PIGX: variants seen among roughly 807,000 people sequenced by gnomAD.
PIGX encodes phosphatidylinositol glycan anchor biosynthesis class X.
PIGX carries 24 observed loss-of-function variants against 28.7 expected under a neutral mutation model. The observed-to-expected ratio is 0.84, with a 90% CI of 0.60 to 1.17. PIGX has a LOEUF of 1.17. PIGX is among the 50% of genes most tolerant of loss of function. The pLI, the probability that PIGX is intolerant of heterozygous loss-of-function variation, is 0.00. For missense variants in PIGX, 305 were observed against 317.8 expected (o/e 0.96, Z 0.31); for synonymous variants, 127 against 121.0 (o/e 1.05, Z -0.33).
chr3:196,722,491 A>G lies in PIGX; in HGVS notation c.253A>G (p.Ile85Val). Reference sequence around the variant, plus strand: ...CTGCCGTCTCTTAATTAAACAGGACATTCCTGCAGGACTTTATGTGGATCC... The same window carrying G: ...CTGCCGTCTCTTAATTAAACAGGACGTTCCTGCAGGACTTTATGTGGATCC... The change falls in exon 3 of 6, where the codon ATT becomes GTT. Residue 85 changes from isoleucine to valine, a missense_variant. By Grantham distance (29) the Ile-to-Val change is conservative. Transcript: ENST00000392391. 6.2e-7 allele frequency: 1 copy of G among 1,612,836 alleles called. No individual in the cohort carries two copies. The highest frequency in any genetic ancestry group is 8.5e-7 in the Non-Finnish European group (1 of 1,178,822).
At chr3:196,716,589 T>C (rs1712106898) in intron 1 of PIGX, among the ~76,000 whole-genome samples, 1 of 152,204 alleles carries the variant, frequency 6.6e-6, no homozygotes. Flanking sequence ...TAAACTATCT[T>C]GCCCAAAGTT....
intron 2 of PIGX, among the ~76,000 whole-genome samples, chr3:196,720,058 G>T (rs777077604): frequency 6.6e-6 from 1 of 152,218 alleles, no homozygotes; most frequent in East Asian, 1.9e-4. Context: ...GATTACAGGC[G>T]TGAGCCACCG....
chr3:196,718,146 T>C (rs1712174851), intron 2 of PIGX, among the ~76,000 whole-genome samples: 1 of 152,082 alleles, frequency 6.6e-6, no homozygotes, highest in Non-Finnish European at 1.5e-5. Context: ...CCATCTCTAC[T>C]AAAAATACAA....
chr3:196,729,597 C>A (rs1339176173), intron 4 of PIGX, among the ~76,000 whole-genome samples: 7 of 150,814 alleles, frequency 4.6e-5, no homozygotes, highest in Non-Finnish European at 8.9e-5. Flanking sequence ...CTATGTTGGC[C>A]AGACTAGTCT....
rs1405728099 is a variant in PIGX, at chr3:196,722,440, G to A, written c.202G>A (p.Gly68Arg). The change falls in exon 3 of 6, where the codon GGG becomes AGG. Residue 68 changes from glycine (G) to arginine (R), a missense_variant. Coordinates refer to ENST00000392391, the MANE Select transcript of PIGX (RefSeq NM_017861.4). ...AGACCTTTTAATCAAAGTGAAGTTT[G>A]GGGAAAGCATTGAGGACTTGCACAC... 1 of 1,611,978 alleles carries A rather than the reference G, an allele frequency of 6.2e-7. No homozygotes were observed. Among genetic ancestry groups the A allele is most frequent in the South Asian group, 1.1e-5 (1 of 90,992 alleles).
chr3:196,725,553 C>T (rs1163415810), intron 3 of PIGX, among the ~76,000 whole-genome samples: 1 of 152,090 alleles, frequency 6.6e-6, no homozygotes, highest in Non-Finnish European at 1.5e-5. Flanking sequence ...CTAGAATTCA[C>T]GGGACAGTGT....
At chr3:196,722,366 AT>A in intron 2 of PIGX, 48 bp from the exon 3 acceptor site, 2 of 1,405,052 alleles carry the variant, frequency 1.4e-6, no homozygotes, top group Non-Finnish European at 2.0e-6. Context: ...ATGTTATCTC[AT>A]TTAACAGTTG....
In PIGX at chr3:196,716,730, G is replaced by A. The variant is rs139300161; in HGVS notation, c.113-128G>A. 530 of 395,944 alleles carry A rather than the reference G, an allele frequency of 1.3e-3. 3 individuals are homozygous for A. The highest frequency in any genetic ancestry group is 0.011 in the African/African-American group (505 of 47,376). The allele number at this position is 395,944 out of a possible 1,614,324, so 24.5% of individuals were successfully genotyped here. A position where few individuals can be genotyped will look rare whatever the true frequency, so the allele number is the denominator to read the frequency against. ...TTTCAAATTGCTTAAATTTTAAAAGGTTTTGTTTTTAGGTTGGTTAGATTT... is the reference window on the plus strand; with the variant it reads ...TTTCAAATTGCTTAAATTTTAAAAGATTTTGTTTTTAGGTTGGTTAGATTT... On this transcript the variant is annotated intron_variant, in intron 1 of 5. Coordinates refer to ENST00000392391, the MANE Select transcript of PIGX (RefSeq NM_017861.4).
Position 196,731,186 on chromosome 3 carries a change from T to G in PIGX, c.633+94T>G, listed in dbSNP as rs187294620. 1,763 of 648,016 alleles carry G rather than the reference T, an allele frequency of 2.7e-3. 28 individuals are homozygous for G. In the African/African-American group the frequency reaches 0.029, roughly 11 times the overall value. 40.1% of individuals were successfully genotyped at this position (648,016 alleles called of 1,614,324 possible). A position where few individuals can be genotyped will look rare whatever the true frequency, so the allele number is the denominator to read the frequency against. On this transcript the variant is annotated intron_variant, in intron 5 of 5. Transcript: ENST00000392391. ...GCCACATTTAAGAGATTAGCATTTTTTTTTTTTTTTAGGCGGAGTCTCGCT... is the reference window on the plus strand; with the variant it reads ...GCCACATTTAAGAGATTAGCATTTTGTTTTTTTTTTAGGCGGAGTCTCGCT...
chr3:196,732,382 A>G (rs2108691499), intron 5 of PIGX, among the ~76,000 whole-genome samples: 1 of 148,166 alleles, frequency 6.7e-6, no homozygotes, highest in South Asian at 2.2e-4. Flanking sequence ...CCCGGGTTCA[A>G]GTCATTCTCC....
intron 2 of PIGX, chr3:196,721,161 C>G (rs1204188580): frequency 5.3e-6 from 2 of 374,608 alleles, no homozygotes; most frequent in Admixed American, 3.9e-5. Context: ...CTGTTACATT[C>G]TCTTCTCTTT....
intron 2 of PIGX, among the ~76,000 whole-genome samples, chr3:196,718,567 A>G (rs1712190827): frequency 1.3e-5 from 2 of 151,830 alleles, no homozygotes; most frequent in Admixed American, 1.3e-4. Flanking sequence ...TAGTGAACGT[A>G]CTCCTTGGTC....
chr3:196,732,260 T>A (rs1457125825), intron 5 of PIGX, among the ~76,000 whole-genome samples: 1 of 60,462 alleles, frequency 1.7e-5, no homozygotes. Context: ...ATATATATTT[T>A]ATTTTATTTT....
At chr3:196,724,022 G>GTTTTT (rs1462271791) in intron 3 of PIGX, among the ~76,000 whole-genome samples, 1 of 129,978 alleles carries the variant, frequency 7.7e-6, no homozygotes, top group Non-Finnish European at 1.7e-5. Context: ...TTAATTTAAT[G>GTTTTT]TTTTTTTTTT....
At chr3:196,730,024 C>A (rs546762456) in intron 4 of PIGX, among the ~76,000 whole-genome samples, 1 of 149,966 alleles carries the variant, frequency 6.7e-6, no homozygotes, top group African/African-American at 2.5e-5. Context: ...GAGCTGAGAT[C>A]GCGCCACTGC....
intron 4 of PIGX, chr3:196,728,703 T>G (rs758601045): frequency 1.0e-5 from 8 of 766,352 alleles, no homozygotes; most frequent in Non-Finnish European, 1.9e-5. Flanking sequence ...AATTGGCAGC[T>G]GGCTCCAGAA....
In PIGX at chr3:196,714,203, C is replaced by T. The variant is rs116231583; in HGVS notation, c.112+1559C>T. Among the ~76,000 whole-genome samples, 705 of 152,302 alleles carry T rather than the reference C, an allele frequency of 4.6e-3. 1 individual carries two copies. Among genetic ancestry groups the T allele is most frequent in the Non-Finnish European group, 6.9e-3 (470 of 68,036 alleles). ...TTTGTGCTGGGCACAGTGGCTCACA[C>T]CTGAAATTCTAACACATTGGGAGGC... is the stretch of plus-strand genomic sequence containing the variant. On this transcript the variant is annotated intron_variant, in intron 1 of 5. Coordinates refer to ENST00000392391, the MANE Select transcript of PIGX (RefSeq NM_017861.4).
chr3:196,731,247 G>A (rs1023561805), intron 5 of PIGX, among the ~76,000 whole-genome samples, 155 bp downstream of exon 5: 2 of 151,246 alleles, frequency 1.3e-5, no homozygotes, highest in African/African-American at 2.4e-5. Flanking sequence ...GCACAATCTC[G>A]GCTCACTGCA....
chr3:196,732,440 C>G (rs1456926232), intron 5 of PIGX, among the ~76,000 whole-genome samples: 1 of 150,380 alleles, frequency 6.6e-6, no homozygotes, highest in Admixed American at 6.7e-5. Context: ...TGCCACCATG[C>G]CTGGATAATT....
Sources: gnomAD v4.1 joint callset for allele counts (sites outside exome capture counted in the v4.1 genomes callset) on GRCh38, gnomAD v4.1.1 for gene constraint, MANE v1.5 for transcripts, NCBI Gene and HGNC (gene_info 2026-07-23, HGNC 2026-07-21) for gene names.